ZSWIM9: variants seen among roughly 807,000 people sequenced by gnomAD.
ZSWIM9 encodes the protein uncharacterized protein ZSWIM9.
In ZSWIM9, 11 loss-of-function variants were observed where a neutral mutation model predicts 25.0. That is an observed-to-expected ratio of 0.44 (90% CI 0.28 to 0.73). The LOEUF is 0.73. Among genes scored for constraint, ZSWIM9 ranks in the 30% least tolerant of loss-of-function variants. ZSWIM9 has a pLI of 0.16. For missense variants in ZSWIM9, 1,070 were observed against 1,296.5 expected (o/e 0.83, Z 2.68); for synonymous variants, 562 against 582.1 (o/e 0.97, Z 0.50).
chr19:48,195,359 C>T lies in ZSWIM9; in HGVS notation c.1295C>T (p.Ala432Val), dbSNP rs991317409. The T allele has an allele frequency of 7.2e-6, 11 of 1,523,376 alleles. No individual in the cohort carries two copies. The highest frequency in any genetic ancestry group is 2.0e-5 in the Admixed American group (1 of 49,706). The allele number at this position is 1,523,376 out of a possible 1,614,324, so 94.4% of individuals were successfully genotyped here. A position where few individuals can be genotyped will look rare whatever the true frequency, so the allele number is the denominator to read the frequency against. ...GVAQCLRDLV[A>V]MQWADAAGEA... is the part of the protein sequence containing the mutation. ...GCGCAGTGCCTTCGCGACCTGGTGG[C>T]CATGCAGTGGGCCGACGCGGCCGGG... The change falls in exon 4 of 4, where the codon GCC (alanine) becomes GTC (valine). Residue 432 changes from alanine (A) to valine (V), a missense_variant. This residue lies in a region of ZSWIM9 where 583 missense variants were observed against 624.7 expected (regional missense o/e 0.93). Coordinates refer to ENST00000614654, the MANE Select transcript of ZSWIM9 (RefSeq NM_199341.4). The surrounding 1 kb of genome is among the most constrained non-coding windows in gnomAD (Gnocchi z 5.8).
chr19:48,186,003 G>T (rs374721083), intron 3 of ZSWIM9, among the ~76,000 whole-genome samples: 1 of 152,070 alleles, frequency 6.6e-6, no homozygotes, highest in African/African-American at 2.4e-5. Context: ...TAAAAAGAAA[G>T]AAAATGGTTC....
At chr19:48,177,684 A>G (rs2036906930) in intron 2 of ZSWIM9, among the ~76,000 whole-genome samples, 1 of 152,180 alleles carries the variant, frequency 6.6e-6, no homozygotes, top group South Asian at 2.1e-4. Flanking sequence ...GGCCTGAAAC[A>G]CCTAGGCTGA....
chr19:48,187,503 A>AT (rs1166885682), intron 3 of ZSWIM9, among the ~76,000 whole-genome samples: 2 of 89,218 alleles, frequency 2.2e-5, no homozygotes, highest in African/African-American at 9.6e-5. Context: ...ATAATATATT[A>AT]TATTATATTA....
chr19:48,181,065 G>A (rs2036944225), intron 2 of ZSWIM9: 1 of 151,834 alleles, frequency 6.6e-6, no homozygotes, highest in African/African-American at 2.4e-5. Flanking sequence ...TGGGATTACA[G>A]GCGTGAGCCA....
chr19:48,177,677 C>A (rs2036906901), intron 2 of ZSWIM9, among the ~76,000 whole-genome samples: 1 of 152,094 alleles, frequency 6.6e-6, no homozygotes, highest in African/African-American at 2.4e-5. Context: ...GTCCTAGGGC[C>A]TGAAACACCT....
At chr19:48,189,101 A>G (rs1212142564) in intron 3 of ZSWIM9, among the ~76,000 whole-genome samples, 1 of 152,198 alleles carries the variant, frequency 6.6e-6, no homozygotes, top group Non-Finnish European at 1.5e-5. Context: ...ATCTATCAAA[A>G]TGACAAGAAC....
chr19:48,180,354 T>A (rs1183689587), intron 2 of ZSWIM9, among the ~76,000 whole-genome samples: 2 of 135,208 alleles, frequency 1.5e-5, no homozygotes, highest in Non-Finnish European at 3.1e-5. Context: ...GAGGTAGGGG[T>A]CTCACTAGTC....
At chr19:48,180,820 CGA>C (rs2036940907) in intron 2 of ZSWIM9, 1 of 145,714 alleles carries the variant, frequency 6.9e-6, no homozygotes, top group East Asian at 2.0e-4. Context: ...TGCAGTAGTG[CGA>C]TCTCGGCTCA....
At position 48,195,602 on chromosome 19, in the gene ZSWIM9, A is replaced by T. The variant is rs1392442593; in HGVS notation, c.1538A>T (p.Glu513Val). Reference protein sequence around the residue: ...RDWGGAQFEGEKGRALQIRDW... With the variant: ...RDWGGAQFEGVKGRALQIRDW... ...TGGGGCGGGGCTCAGTTCGAAGGTG[A>T]GAAGGGGAGGGCACTGCAGATCAGA... is the stretch of plus-strand genomic sequence containing the variant. Residue 513 changes from glutamate to valine, a missense_variant, in exon 4 of 4, where the codon GAG becomes GTG. This residue lies in a region of ZSWIM9 where 583 missense variants were observed against 624.7 expected (regional missense o/e 0.93). Transcript: ENST00000614654. This position sits in a 1 kb window ranked among gnomAD's most constrained non-coding sequence, Gnocchi z 5.8. The T allele has an allele frequency of 5.6e-6, 8 of 1,419,488 alleles. No homozygotes were observed. The South Asian group carries it at 1.1e-4, about 19-fold the overall frequency. 87.9% of individuals were successfully genotyped at this position (1,419,488 alleles called of 1,614,324 possible).
At chr19:48,178,461 G>T (rs1688192633) in intron 2 of ZSWIM9, among the ~76,000 whole-genome samples, 1 of 152,112 alleles carries the variant, frequency 6.6e-6, no homozygotes. Context: ...TGTTACTGGG[G>T]TATTTACTAC....
chr19:48,187,591 A>ATATAATATTATATATATTATATATTATAT (rs1568579931), intron 3 of ZSWIM9: 13 of 40,906 alleles, frequency 3.2e-4, no homozygotes, highest in Admixed American at 1.0e-3. Flanking sequence ...TATATTATAT[A>ATATAATATTATATATATTATATATTATAT]ATATAATATT....
At chr19:48,193,357 C>A (rs2037121118) in intron 3 of ZSWIM9, among the ~76,000 whole-genome samples, 1 of 152,124 alleles carries the variant, frequency 6.6e-6, no homozygotes, top group Admixed American at 6.5e-5. Flanking sequence ...TTCACTCACT[C>A]AGGATGTATT....
intron 3 of ZSWIM9, among the ~76,000 whole-genome samples, chr19:48,193,337 C>T (rs1210236907): frequency 6.6e-6 from 1 of 152,222 alleles, no homozygotes; most frequent in African/African-American, 2.4e-5. Flanking sequence ...GCTGCACACC[C>T]TCGCGTGAGT....
At chr19:48,177,937 G>A (rs574308668) in intron 2 of ZSWIM9, among the ~76,000 whole-genome samples, 15 of 152,274 alleles carry the variant, frequency 9.9e-5, no homozygotes, top group East Asian at 7.7e-4. Context: ...CGCTCTTGTC[G>A]CCCAGGCTGG....
intron 3 of ZSWIM9, among the ~76,000 whole-genome samples, chr19:48,184,591 C>T (rs2036990060): frequency 6.6e-6 from 1 of 152,106 alleles, no homozygotes; most frequent in South Asian, 2.1e-4. Context: ...AGCCACCAGC[C>T]CAAGCCCAGG....
rs1400954371 is a variant in ZSWIM9, at chr19:48,194,222, A to AGT, written c.589-429_589-428dup. On this transcript the variant is annotated intron_variant, in intron 3 of 3. Transcript: ENST00000614654. The surrounding 1 kb of genome is among the most constrained non-coding windows in gnomAD (Gnocchi z 6.0). ...GGCCCGCCCCCAGAGTTTCAGACTC[A>AGT]GTGGGTCTGAGGTGGCCCCGAGAAG... Among the ~76,000 whole-genome samples, 4 of 152,138 alleles carry AGT rather than the reference A, an allele frequency of 2.6e-5. No homozygotes were observed. Among genetic ancestry groups the AGT allele is most frequent in the African/African-American group, 7.2e-5 (3 of 41,428 alleles).
At chr19:48,176,376 C>G (rs962677031) in intron 2 of ZSWIM9, among the ~76,000 whole-genome samples, 5 of 152,142 alleles carry the variant, frequency 3.3e-5, no homozygotes, top group Non-Finnish European at 5.9e-5. Flanking sequence ...CTCTACAAGC[C>G]TGAGAGACTA....
chr19:48,171,269 G>A (rs1335830179), intron 1 of ZSWIM9: 3 of 985,304 alleles, frequency 3.0e-6, no homozygotes, highest in Non-Finnish European at 2.4e-6. Context: ...GTGACCGGGT[G>A]AGGGGTCCGT....
chr19:48,197,335 A>G lies in ZSWIM9; in HGVS notation c.*508A>G, dbSNP rs2037180875. 4.3e-6 allele frequency: 3 copies of G among 699,762 alleles called. No homozygotes were observed. Among genetic ancestry groups the G allele is most frequent in the Non-Finnish European group, 7.8e-6 (3 of 383,372 alleles). 43.3% of individuals were successfully genotyped at this position (699,762 alleles called of 1,614,324 possible). On this transcript the variant is annotated 3_prime_UTR_variant, in exon 4 of 4. Coordinates refer to ENST00000614654, the MANE Select transcript of ZSWIM9 (RefSeq NM_199341.4). ...AGAGAGGACAAGCAAAGAGACAGAAATGAAGACATGAGGAAAAGCTGGGGG... is the reference window on the plus strand; with the variant it reads ...AGAGAGGACAAGCAAAGAGACAGAAGTGAAGACATGAGGAAAAGCTGGGGG...
Sources: gnomAD v4.1 joint callset for allele counts (sites outside exome capture counted in the v4.1 genomes callset) on GRCh38, gnomAD v4.1.1 for gene constraint, gnomAD v4.1.1 regional missense constraint, Gnocchi (gnomAD v3.1) non-coding constraint, MANE v1.5 for transcripts, NCBI Gene and HGNC (gene_info 2026-07-23, HGNC 2026-07-21) for gene names.